KCNIP1: variants seen among roughly 807,000 people sequenced by gnomAD.
The protein encoded by KCNIP1 is A-type potassium channel modulatory protein KCNIP1.
KCNIP1 carries 18 observed loss-of-function variants against 33.0 expected under a neutral mutation model. That is an observed-to-expected ratio of 0.55 (90% CI 0.38 to 0.81). The LOEUF is 0.81. Ranked by LOEUF, KCNIP1 falls within the 30% of genes least tolerant of loss-of-function variation. The probability of loss-of-function intolerance (pLI) is 0.00; values close to 1 mark genes in which losing one functional copy is unlikely to be tolerated. For missense variants in KCNIP1, 238 were observed against 271.6 expected (o/e 0.88, Z 0.87); for synonymous variants, 93 against 98.3 (o/e 0.95, Z 0.32).
intron 1 of KCNIP1, among the ~76,000 whole-genome samples, chr5:170,555,366 G>A (rs1756809441): frequency 6.6e-6 from 1 of 152,202 alleles, no homozygotes. Context: ...CCAGGAGCCA[G>A]CATGAATGGA....
rs1763647111 is a variant in KCNIP1 at position 170,365,885 on chromosome 5, A to G, written c.88+11921A>G. 2.0e-5 allele frequency among the ~76,000 whole-genome samples: 3 copies of G among 152,138 alleles called. No individual in the cohort carries two copies. In the South Asian group the frequency reaches 6.2e-4, roughly 31 times the overall value. On this transcript the variant is annotated intron_variant, in intron 1 of 7. Coordinates refer to the KCNIP1 transcript ENST00000377360. ...AGTGTTTAGTGTAGGGCTTGTGTCA[A>G]ATTAAGGATTCAACAAATGATGGGT...
intron 1 of KCNIP1, among the ~76,000 whole-genome samples, chr5:170,472,659 C>T (rs1305990455): frequency 8.4e-5 from 12 of 142,978 alleles, no homozygotes; most frequent in Admixed American, 1.4e-4. Context: ...AGCTCCCACA[C>T]ATCAGTGAGA....
At chr5:170,510,500 G>C (rs993281785) in intron 1 of KCNIP1, among the ~76,000 whole-genome samples, 51 of 152,202 alleles carry the variant, frequency 3.4e-4, no homozygotes, top group Non-Finnish European at 7.4e-5. Context: ...TGGCCGTGGA[G>C]CTGATGTTCC....
chr5:170,558,889 C>CTGAGTAA (rs1756933965), intron 1 of KCNIP1, among the ~76,000 whole-genome samples: 1 of 152,198 alleles, frequency 6.6e-6, no homozygotes, highest in Admixed American at 6.5e-5. Flanking sequence ...ATCTTCTTAG[C>CTGAGTAA]CCCTAGTAAA....
At chr5:170,464,439 G>T (rs919378651) in intron 1 of KCNIP1, among the ~76,000 whole-genome samples, 1 of 152,184 alleles carries the variant, frequency 6.6e-6, no homozygotes, top group African/African-American at 2.4e-5. Flanking sequence ...AAACAATCCT[G>T]ATAAAGAACA....
intron 1 of KCNIP1, among the ~76,000 whole-genome samples, chr5:170,651,421 G>T (rs1252825297): frequency 6.6e-6 from 1 of 152,172 alleles, no homozygotes; most frequent in African/African-American, 2.4e-5. Flanking sequence ...GGCCTAATAA[G>T]AAGTCTATGG....
chr5:170,441,100 T>G (rs1225097558), intron 1 of KCNIP1, among the ~76,000 whole-genome samples: 5 of 152,230 alleles, frequency 3.3e-5, no homozygotes, highest in Non-Finnish European at 7.3e-5. Context: ...GTAAGAAACA[T>G]GGCTTCCTTT....
intron 1 of KCNIP1, among the ~76,000 whole-genome samples, chr5:170,674,269 T>C (rs1421729858): frequency 1.3e-5 from 2 of 152,076 alleles, no homozygotes; most frequent in Non-Finnish European, 1.5e-5. Flanking sequence ...AATGTGTGTA[T>C]TGAATTGGAA....
chr5:170,552,491 T>A (rs1305981998), intron 1 of KCNIP1, among the ~76,000 whole-genome samples: 1 of 152,104 alleles, frequency 6.6e-6, no homozygotes, highest in African/African-American at 2.4e-5. Flanking sequence ...AGTGAGGGGC[T>A]GCTTTAAATT....
chr5:170,364,870 G>T (rs750206013), intron 1 of KCNIP1, among the ~76,000 whole-genome samples: 1 of 152,126 alleles, frequency 6.6e-6, no homozygotes, highest in Admixed American at 6.5e-5. Context: ...GAACATATCC[G>T]TCTCTTTTCA....
At chr5:170,402,468 C>T (rs1217153658) in intron 1 of KCNIP1, among the ~76,000 whole-genome samples, 1 of 152,138 alleles carries the variant, frequency 6.6e-6, no homozygotes, top group Admixed American at 6.5e-5. Flanking sequence ...GGAGGCTGTC[C>T]TCTAGGTGGT....
chr5:170,666,770 C>T (rs1011487718), intron 1 of KCNIP1, among the ~76,000 whole-genome samples: 3 of 152,214 alleles, frequency 2.0e-5, no homozygotes, highest in Admixed American at 6.5e-5. Context: ...GTTGGAGCAG[C>T]TTCCATTTGG....
chr5:170,456,852 GGAAC>G (rs1756393211), intron 1 of KCNIP1, among the ~76,000 whole-genome samples: 1 of 151,946 alleles, frequency 6.6e-6, no homozygotes, highest in African/African-American at 2.4e-5. Flanking sequence ...TCGAGTAGCT[GGAAC>G]CACAGGAGTG....
chr5:170,484,216 A>G lies in KCNIP1; in HGVS notation c.88+130252A>G, dbSNP rs150545782. 259 of 152,404 alleles carry G rather than the reference A, an allele frequency of 1.7e-3. 7 individuals are homozygous for G. In the East Asian group the frequency reaches 0.044, roughly 26 times the overall value. 9.4% of individuals were successfully genotyped at this position (152,404 alleles called of 1,614,324 possible). On this transcript the variant is annotated intron_variant, in intron 1 of 7. Coordinates refer to the KCNIP1 transcript ENST00000377360. ...CCTCGTCTCCTCCGCCCTGTGGCCA[A>G]TTGAAGGTGAACTCCTAACGTGCAT...
chr5:170,616,993 C>A (rs796092674), intron 1 of KCNIP1, among the ~76,000 whole-genome samples: 6 of 151,914 alleles, frequency 3.9e-5, no homozygotes, highest in African/African-American at 1.4e-4. Context: ...TGAGTTGTAA[C>A]TGGGATTTCT....
intron 5 of KCNIP1, 123 bp downstream of exon 5, chr5:170,722,943 A>T (rs1255722485): frequency 4.7e-6 from 3 of 639,840 alleles, no homozygotes; most frequent in Non-Finnish European, 8.2e-6. Flanking sequence ...TGGGGCTAAC[A>T]GAGCTGGTCC....
intron 1 of KCNIP1, among the ~76,000 whole-genome samples, chr5:170,654,649 C>G (rs2113731520): frequency 6.6e-6 from 1 of 152,278 alleles, no homozygotes; most frequent in Non-Finnish European, 1.5e-5. Context: ...CTGTGATTTA[C>G]CTGCATATCA....
At chr5:170,499,460 T>C (rs1160087416), upstream of KCNIP1, among the ~76,000 whole-genome samples, 1 of 152,182 alleles carries the variant, frequency 6.6e-6, no homozygotes, top group Non-Finnish European at 1.5e-5. Context: ...CTAAAGGAAT[T>C]ATGAAAGTAA....
rs149293508 is a variant in KCNIP1, at chr5:170,559,789, G to C, written c.61+55156G>C. ...GATGCTGTTAACCTGATGTGTCAGG[G>C]GTCTGAATAAAGCTGCCTCAAGGTA... On this transcript the variant is annotated intron_variant, in intron 1 of 7. Coordinates refer to ENST00000328939, the MANE Select transcript of KCNIP1 (RefSeq NM_014592.4). Among the ~76,000 whole-genome samples the C allele has an allele frequency of 1.8e-3, 270 of 152,222 alleles. 2 individuals carry two copies. The highest frequency in any genetic ancestry group is 6.0e-3 in the African/African-American group (250 of 41,534).
Sources: gnomAD v4.1 joint callset for allele counts (sites outside exome capture counted in the v4.1 genomes callset) on GRCh38, gnomAD v4.1.1 for gene constraint, MANE v1.5 for transcripts, NCBI Gene and HGNC (gene_info 2026-07-23, HGNC 2026-07-21) for gene names.